KDM5A: variants seen among roughly 807,000 people sequenced by gnomAD.
KDM5A encodes lysine-specific demethylase 5A.
KDM5A carries 42 observed loss-of-function variants against 193.5 expected under a neutral mutation model. That is an observed-to-expected ratio of 0.22 (90% confidence interval 0.17 to 0.28). The LOEUF (loss-of-function observed/expected upper bound fraction) is 0.28. Ranked by LOEUF, KDM5A falls within the 10% of genes least tolerant of loss-of-function variation. The pLI, the probability that KDM5A is intolerant of heterozygous loss-of-function variation, is 1.00. For synonymous variants in KDM5A, 796 were observed against 718.1 expected, an observed-to-expected ratio of 1.11 and a Z score of -1.73; for missense variants, 1,692 against 2,055.1, an observed-to-expected ratio of 0.82 and a Z score of 3.42.
intron 27 of KDM5A, among the ~76,000 whole-genome samples, chr12:289,469 T>C (rs1943261028): frequency 6.6e-6 from 1 of 152,150 alleles, no homozygotes; most frequent in Non-Finnish European, 1.5e-5. Context: ...TGGTATTGTC[T>C]TCCTTTTTCT....
At position 323,778 on chromosome 12, in the gene KDM5A, C is replaced by T. The variant is rs768484697; in HGVS notation, c.1972G>A (p.Val658Ile). Residue 658 changes from valine (V) to isoleucine (I), a missense_variant, in exon 15 of 28, where the codon GTC becomes ATC. Physicochemically the swap from Val to Ile is conservative, Grantham distance 29. Coordinates refer to ENST00000399788, the MANE Select transcript of KDM5A (RefSeq NM_001042603.3). Reference protein sequence around the residue: ...RLRESVVQMGVLMSEEEVFEL... With the variant: ...RLRESVVQMGILMSEEEVFEL... ...AACACTTCTTCTTCTGACATCAGGA[C>T]ACCCTGAAATATAATTTATTTCACT... The T allele has an allele frequency of 6.2e-7, 1 of 1,612,496 alleles. No homozygotes were observed. The highest frequency in any genetic ancestry group is 8.5e-7 in the Non-Finnish European group (1 of 1,178,524).
intron 3 of KDM5A, among the ~76,000 whole-genome samples, chr12:366,643 A>G (rs1356184304): frequency 6.6e-6 from 1 of 152,224 alleles, no homozygotes; most frequent in Non-Finnish European, 1.5e-5. Context: ...AGGAACACTG[A>G]AAAAGATTAG....
intron 12 of KDM5A, 56 bp from the exon 13 acceptor site, chr12:331,994 A>G: frequency 2.6e-6 from 4 of 1,511,156 alleles, no homozygotes; most frequent in Non-Finnish European, 3.6e-6. Flanking sequence ...TAACAAACAG[A>G]GGAAGACAGA....
Position 285,426 on chromosome 12 carries a change from C to T in KDM5A, c.*30G>A. The T allele has an allele frequency of 3.8e-6, 6 of 1,584,218 alleles. No homozygotes were observed. The highest frequency in any genetic ancestry group is 5.2e-6 in the Non-Finnish European group (6 of 1,153,040). On this transcript the variant is annotated 3_prime_UTR_variant, in exon 28 of 28. Transcript: ENST00000399788. ...CTAAGGTCTCAATGTGGTCCATGTC[C>T]CCCCATGTCCCAAACTAACCAAGCA...
At position 334,376 on chromosome 12, in the gene KDM5A, T is replaced by C. The variant is rs767229406; in HGVS notation, c.1355A>G (p.Glu452Gly). 7 of 1,614,060 alleles carry C rather than the reference T, an allele frequency of 4.3e-6. No homozygotes were observed. Among genetic ancestry groups the C allele is most frequent in the Non-Finnish European group, 5.1e-6 (6 of 1,179,964 alleles). Residue 452 changes from glutamate (E) to glycine (G), a missense_variant, in exon 11 of 28, where the codon GAA (glutamate) becomes GGA (glycine). Transcript: ENST00000399788. The part of the protein sequence containing the change: ...GWNLNNMPVL[E>G]QSVLAHINVD... Reference sequence around the variant, plus strand: ...ATTAATATGTGCAAGAACAGACTGTTCCAGGACAGGCATGTTATTCAAATT... The same window carrying C: ...ATTAATATGTGCAAGAACAGACTGTCCCAGGACAGGCATGTTATTCAAATT...
intron 6 of KDM5A, 58 bp downstream of exon 6, chr12:356,374 G>C: frequency 1.8e-6 from 2 of 1,089,576 alleles, no homozygotes; most frequent in Non-Finnish European, 2.8e-6. Flanking sequence ...TATCATTTGA[G>C]TTTTTTTACA....
chr12:379,914 T>C (rs1944554420), intron 3 of KDM5A, among the ~76,000 whole-genome samples: 1 of 152,208 alleles, frequency 6.6e-6, no homozygotes. Flanking sequence ...CAACTAAGTA[T>C]TCAGACTAGG....
At chr12:358,804 T>C (rs1944257507) in intron 5 of KDM5A, among the ~76,000 whole-genome samples, 1 of 151,792 alleles carries the variant, frequency 6.6e-6, no homozygotes, top group Non-Finnish European at 1.5e-5. Context: ...AAACCCTGCT[T>C]CTACTAAAAA....
At chr12:328,126 T>C (rs1333350334) in intron 14 of KDM5A, among the ~76,000 whole-genome samples, 2 of 152,226 alleles carry the variant, frequency 1.3e-5, no homozygotes, top group Non-Finnish European at 2.9e-5. Flanking sequence ...CATGGGTATA[T>C]ACAGAGTCAA....
At chr12:308,969 A>G (rs1332634589) in intron 22 of KDM5A, among the ~76,000 whole-genome samples, 1 of 152,258 alleles carries the variant, frequency 6.6e-6, no homozygotes, top group Admixed American at 6.5e-5. Flanking sequence ...GTAGCCTGGT[A>G]TAATTCCTTT....
At chr12:364,178 A>C (rs1310524545) in intron 4 of KDM5A, among the ~76,000 whole-genome samples, 1 of 152,214 alleles carries the variant, frequency 6.6e-6, no homozygotes, top group Non-Finnish European at 1.5e-5. Flanking sequence ...GCAGTCCTTA[A>C]AAATTTACAC....
intron 12 of KDM5A, among the ~76,000 whole-genome samples, chr12:332,687 T>C (rs1943879863): frequency 6.6e-6 from 1 of 152,194 alleles, no homozygotes; most frequent in Admixed American, 6.5e-5. Flanking sequence ...AAAATAAGGA[T>C]AAGCAAACTT....
intron 22 of KDM5A, among the ~76,000 whole-genome samples, chr12:309,232 C>G (rs114552267): frequency 0.013 from 2,053 of 152,314 alleles, 48 homozygotes; most frequent in African/African-American, 0.046. Context: ...AAAATCAATT[C>G]CTGGCCAATG....
intron 10 of KDM5A, among the ~76,000 whole-genome samples, chr12:346,467 G>A (rs1043482737): frequency 2.0e-5 from 3 of 152,094 alleles, no homozygotes; most frequent in African/African-American, 7.2e-5. Context: ...CAAAAAAAGA[G>A]AATTTTAGAC....
At position 282,966 on chromosome 12, in the gene KDM5A, A is replaced by G; in HGVS notation, c.*2490T>C. 1 of 231,900 alleles carries G rather than the reference A, an allele frequency of 4.3e-6. No individual in the cohort carries two copies. The highest frequency in any genetic ancestry group is 2.2e-5 in the African/African-American group (1 of 45,406). The allele number at this position is 231,900 out of a possible 1,614,324, so 14.4% of individuals were successfully genotyped here. ...CAGCCTTGGTCTAAACCTGTGGTCA[A>G]GTCATACCAAATCCTCCATGACTGT... On this transcript the variant is annotated 3_prime_UTR_variant, in exon 28 of 28. Coordinates refer to ENST00000399788, the MANE Select transcript of KDM5A (RefSeq NM_001042603.3).
intron 3 of KDM5A, among the ~76,000 whole-genome samples, chr12:375,503 C>A (rs754338402): frequency 6.6e-6 from 1 of 152,196 alleles, no homozygotes; most frequent in Non-Finnish European, 1.5e-5. Flanking sequence ...TTTTTAGCTT[C>A]TTTGCGATGG....
chr12:316,786 A>G (rs1943655360), intron 19 of KDM5A, among the ~76,000 whole-genome samples: 1 of 152,244 alleles, frequency 6.6e-6, no homozygotes, highest in African/African-American at 2.4e-5. Context: ...TCTGGATAGC[A>G]AAATATCCAG....
chr12:388,902 C>A (rs770596384), intron 1 of KDM5A, 25 bp downstream of exon 1: 2 of 1,613,638 alleles, frequency 1.2e-6, no homozygotes, highest in East Asian at 2.2e-5. Flanking sequence ...TCCTTCTCCC[C>A]CTCTCTCTTC....
At chr12:302,183 A>G (rs1206143997) in intron 24 of KDM5A, among the ~76,000 whole-genome samples, 5 of 152,356 alleles carry the variant, frequency 3.3e-5, no homozygotes, top group Non-Finnish European at 4.4e-5. Flanking sequence ...TTTGAATTTC[A>G]TATGGAACCA....
Sources: gnomAD v4.1 joint callset for allele counts (sites outside exome capture counted in the v4.1 genomes callset) on GRCh38, gnomAD v4.1.1 for gene constraint, MANE v1.5 for transcripts, NCBI Gene and HGNC (gene_info 2026-07-23, HGNC 2026-07-21) for gene names.